Variants in CLCA2 observed in about 807,000 individuals in gnomAD.
CLCA2 encodes chloride channel accessory 2.
Under a neutral mutation model 82.9 loss-of-function variants are expected in CLCA2, and 85 were observed. The ratio of observed to expected loss-of-function variants is 1.03; its 90% confidence interval spans 0.86 to 1.23. The LOEUF is 1.23. Among genes scored for constraint, CLCA2 ranks in the 50% most tolerant of loss-of-function variants. The probability of loss-of-function intolerance (pLI) is 0.00; values close to 1 mark genes in which losing one functional copy is unlikely to be tolerated. For synonymous variants in CLCA2, 421 were observed against 391.7 expected, an observed-to-expected ratio of 1.07 and a Z score of -0.88; for missense variants, 1,089 against 1,124.8, an observed-to-expected ratio of 0.97 and a Z score of 0.45.
intron 6 of CLCA2, among the ~76,000 whole-genome samples, chr1:86,436,279 C>T (rs1487409844): frequency 1.3e-5 from 2 of 152,186 alleles, no homozygotes; most frequent in Non-Finnish European, 2.9e-5. Flanking sequence ...GGAAATCAAC[C>T]ATGGTTTCAC....
In CLCA2 at chr1:86,430,891, C is replaced by A. The variant is rs1468138529; in HGVS notation, c.505C>A (p.Leu169Ile). ...GRVFVHEWAHLRWGVFDEYNN... is the reference protein window; with the variant it reads ...GRVFVHEWAHIRWGVFDEYNN... ...AGTGTTTGTCCATGAATGGGCCCAC[C>A]TCCGTTGGGGTGTGTTCGATGAGTA... The change falls in exon 4 of 14, where the codon CTC becomes ATC. Residue 169 changes from leucine (L) to isoleucine (I), a missense_variant. Leu to Ile is a conservative substitution (Grantham distance 5). Coordinates refer to ENST00000370565, the MANE Select transcript of CLCA2 (RefSeq NM_006536.7). The A allele has an allele frequency of 2.5e-6, 4 of 1,613,534 alleles. No individual in the cohort carries two copies. The highest frequency in any genetic ancestry group is 1.1e-5 in the South Asian group (1 of 90,924).
intron 11 of CLCA2, 111 bp from the exon 12 acceptor site, chr1:86,450,452 A>G: frequency 2.6e-6 from 2 of 766,394 alleles, no homozygotes; most frequent in Middle Eastern, 3.9e-4. Context: ...AGAGCATGAT[A>G]ATATATCTTA....
At chr1:86,452,394 C>T (rs775147941) in intron 12 of CLCA2, among the ~76,000 whole-genome samples, 1 of 152,014 alleles carries the variant, frequency 6.6e-6, no homozygotes, top group Non-Finnish European at 1.5e-5. Context: ...GCTTGCTGTG[C>T]TTTAATTCAT....
intron 11 of CLCA2, among the ~76,000 whole-genome samples, chr1:86,449,073 A>C (rs575318324): frequency 3.8e-4 from 58 of 152,366 alleles, no homozygotes; most frequent in African/African-American, 1.2e-3. Flanking sequence ...TCAGGCATCA[A>C]AATGTAAATT....
intron 9 of CLCA2, among the ~76,000 whole-genome samples, chr1:86,443,574 C>T (rs1200082036): frequency 6.6e-6 from 1 of 152,184 alleles, no homozygotes; most frequent in Non-Finnish European, 1.5e-5. Flanking sequence ...CTTGCATTAA[C>T]TACAACAAAA....
rs752106592 is a variant in CLCA2, at chr1:86,440,246, C to T, written c.1302C>T (p.Leu434=). 9 of 1,613,976 alleles carry T rather than the reference C, an allele frequency of 5.6e-6. No individual in the cohort carries two copies. The highest frequency in any genetic ancestry group is 7.6e-6 in the Non-Finnish European group (9 of 1,179,868). ...KLLGNCLPTV[L]SSGSTIHSIA... ...TTGGCAATTGCTTACCCACTGTGCT[C>T]AGCAGTGGTTCAACAATTCACTCCA... Residue 434 remains leucine (L), a synonymous_variant, in exon 8 of 14, where the codon CTC becomes CTT. Coordinates refer to ENST00000370565, the MANE Select transcript of CLCA2 (RefSeq NM_006536.7).
intron 6 of CLCA2, among the ~76,000 whole-genome samples, 160 bp downstream of exon 6, chr1:86,434,905 T>C (rs1236814981): frequency 1.1e-4 from 16 of 152,172 alleles, no homozygotes; most frequent in Admixed American, 9.2e-4. Context: ...TATCAACCCA[T>C]CACCTAGGTA....
At chr1:86,450,813 C>T in intron 12 of CLCA2, 80 bp downstream of exon 12, 1 of 1,245,102 alleles carries the variant, frequency 8.0e-7, no homozygotes, top group Non-Finnish European at 1.1e-6. Context: ...ACTGGGGTGG[C>T]AGGGAGTGAG....
At chr1:86,452,176 CTTTTT>C (rs753484167) in intron 12 of CLCA2, among the ~76,000 whole-genome samples, 2 of 43,946 alleles carry the variant, frequency 4.6e-5, no homozygotes, top group African/African-American at 9.2e-5. Flanking sequence ...AACCTGGAAG[CTTTTT>C]TTTTTTTTTT....
intron 5 of CLCA2, among the ~76,000 whole-genome samples, chr1:86,433,196 G>A (rs1386124947): frequency 6.6e-6 from 1 of 152,222 alleles, no homozygotes; most frequent in African/African-American, 2.4e-5. Flanking sequence ...CAGAGAGCAT[G>A]GAATCAGAAA....
intron 8 of CLCA2, among the ~76,000 whole-genome samples, chr1:86,440,839 T>G (rs1432156854): frequency 6.6e-6 from 1 of 152,156 alleles, no homozygotes; most frequent in Non-Finnish European, 1.5e-5. Flanking sequence ...AGGCAGAGGT[T>G]GCAGTCACCT....
chr1:86,455,022 C>G, intron 13 of CLCA2, 63 bp from the exon 14 acceptor site: 1 of 1,009,874 alleles, frequency 9.9e-7, no homozygotes, highest in Non-Finnish European at 1.4e-6. Flanking sequence ...TTAGTAATTT[C>G]TAATAAACTA....
chr1:86,437,946 A>G (rs1662648277), intron 6 of CLCA2, among the ~76,000 whole-genome samples: 2 of 152,246 alleles, frequency 1.3e-5, no homozygotes, highest in Admixed American at 1.3e-4. Flanking sequence ...CAAAAGTTGA[A>G]GGCAGAGTTC....
At chr1:86,433,662 A>G (rs1385721978) in intron 5 of CLCA2, among the ~76,000 whole-genome samples, 1 of 152,230 alleles carries the variant, frequency 6.6e-6, no homozygotes, top group Admixed American at 6.5e-5. Context: ...GAGTTAAACA[A>G]CGCAAAGCAA....
chr1:86,441,573 G>T, intron 9 of CLCA2, 30 bp downstream of exon 9: 1 of 1,426,178 alleles, frequency 7.0e-7, no homozygotes, highest in Non-Finnish European at 9.9e-7. Context: ...TATATTTCCA[G>T]GTGGGGAGTG....
chr1:86,443,310 T>G (rs1293349207), intron 9 of CLCA2, among the ~76,000 whole-genome samples: 2 of 152,234 alleles, frequency 1.3e-5, no homozygotes, highest in Non-Finnish European at 2.9e-5. Flanking sequence ...ATTACAGGCA[T>G]GAGCCACTGT....
intron 13 of CLCA2, 149 bp from the exon 14 acceptor site, chr1:86,454,936 T>A (rs983893934): frequency 6.1e-6 from 3 of 491,874 alleles, no homozygotes; most frequent in African/African-American, 5.9e-5. Flanking sequence ...TTGTGTAGTG[T>A]TTTAAAGTTT....
intron 12 of CLCA2, among the ~76,000 whole-genome samples, chr1:86,451,614 T>G (rs1662969442): frequency 6.6e-6 from 1 of 152,150 alleles, no homozygotes; most frequent in South Asian, 2.1e-4. Flanking sequence ...ATCAGGCTCT[T>G]TTTCCAGCTC....
In CLCA2 at chr1:86,452,318, A is replaced by G. The variant is rs534451662; in HGVS notation, c.2156-1051A>G. Among the ~76,000 whole-genome samples, 16 of 150,486 alleles carry G rather than the reference A, an allele frequency of 1.1e-4. No homozygotes were observed. In the South Asian group the frequency reaches 2.3e-3, roughly 22 times the overall value. ...ACTTTCTTGCCCTCCTCTCCACACC[A>G]TCTCCCATCCCAAGCTGCTATCTTC... On this transcript the variant is annotated intron_variant, in intron 12 of 13. Transcript: ENST00000370565.
Sources: gnomAD v4.1 joint callset for allele counts (sites outside exome capture counted in the v4.1 genomes callset) on GRCh38, gnomAD v4.1.1 for gene constraint, MANE v1.5 for transcripts, NCBI Gene and HGNC (gene_info 2026-07-23, HGNC 2026-07-21) for gene names.